FGF12: variants seen among roughly 807,000 people sequenced by gnomAD.
FGF12 encodes fibroblast growth factor 12.
Under a neutral mutation model 23.6 loss-of-function variants are expected in FGF12, and 14 were observed. That is an observed-to-expected ratio of 0.59 (90% CI 0.39 to 0.93). The LOEUF (loss-of-function observed/expected upper bound fraction) is 0.93. Among genes scored for constraint, FGF12 ranks in the 40% least tolerant of loss-of-function variants. FGF12 has a pLI of 0.00. For missense variants in FGF12, 175 were observed against 217.8 expected (o/e 0.80, Z 1.24); for synonymous variants, 62 against 77.3 (o/e 0.80, Z 1.04).
rs1719643657 is a variant in FGF12 at position 192,378,093 on chromosome 3, T to TCTTTCTTTCTTTCTTTCTTTCTTTC, written c.14-17556_14-17555insGAAAGAAAGAAAGAAAGAAAGAAAG. Among the ~76,000 whole-genome samples, 4 of 122,156 alleles carry TCTTTCTTTCTTTCTTTCTTTCTTTC rather than the reference T, an allele frequency of 3.3e-5. 1 individual carries two copies. Among genetic ancestry groups the TCTTTCTTTCTTTCTTTCTTTCTTTC allele is most frequent in the Non-Finnish European group, 6.7e-5 (4 of 60,106 alleles). 80.1% of individuals were successfully genotyped at this position (122,156 alleles called of 152,430 possible). On this transcript the variant is annotated intron_variant, in intron 2 of 5. Transcript: ENST00000445105. ...TTCTTTCTTTCTTTCTTTCTTTCTT[T>TCTTTCTTTCTTTCTTTCTTTCTTTC]CTTCTTTCTTTCCTTCTTTCTCTCT...
intron 2 of FGF12, among the ~76,000 whole-genome samples, chr3:192,503,574 GGT>G (rs754025177): frequency 1.2e-4 from 5 of 40,914 alleles, no homozygotes; most frequent in African/African-American, 1.8e-4. Context: ...TTTTTGTTTT[GGT>G]TTTTTTTTTT....
intron 2 of FGF12, among the ~76,000 whole-genome samples, chr3:192,657,364 T>C (rs1054439857): frequency 1.3e-5 from 2 of 151,906 alleles, no homozygotes; most frequent in African/African-American, 4.8e-5. Flanking sequence ...ATCATTTTTC[T>C]TTGTCTGCCT....
chr3:192,575,783 C>T (rs1712852497), intron 2 of FGF12, among the ~76,000 whole-genome samples: 2 of 147,954 alleles, frequency 1.4e-5, no homozygotes, highest in Admixed American at 1.3e-4. Context: ...AACTTTTCAC[C>T]CCAACAAATA....
At chr3:192,656,318 CACAG>C (rs111449853) in intron 2 of FGF12, among the ~76,000 whole-genome samples, 1,710 of 76,956 alleles carry the variant, frequency 0.022, 15 homozygotes, top group Non-Finnish European at 0.036. Context: ...CACACACACA[CACAG>C]AGAGAGAATT....
At chr3:192,158,338 CTTTCTTTCTT>C (rs1553844050) in intron 5 of FGF12, among the ~76,000 whole-genome samples, 1 of 69,094 alleles carries the variant, frequency 1.4e-5, no homozygotes, top group Non-Finnish European at 3.3e-5. Flanking sequence ...CTTTCTCTTT[CTTTCTTTCTT>C]TCTTTCTTTC....
At chr3:192,563,096 G>T (rs752833797) in intron 2 of FGF12, among the ~76,000 whole-genome samples, 4 of 152,178 alleles carry the variant, frequency 2.6e-5, no homozygotes, top group Non-Finnish European at 4.4e-5. Flanking sequence ...CATGAAAGAA[G>T]ATTAGACTTT....
At chr3:192,407,262 C>A (rs186649546) in intron 2 of FGF12, among the ~76,000 whole-genome samples, 1 of 152,222 alleles carries the variant, frequency 6.6e-6, no homozygotes, top group Non-Finnish European at 1.5e-5. Context: ...TTTCTTTACA[C>A]TCCTTGAGGC....
intron 2 of FGF12, among the ~76,000 whole-genome samples, chr3:192,416,508 AAATG>A (rs1721356749): frequency 6.6e-6 from 1 of 152,128 alleles, no homozygotes; most frequent in Non-Finnish European, 1.5e-5. Context: ...GTGAATGAAT[AAATG>A]AATGAACAGA....
In FGF12 at chr3:192,336,956, T is replaced by A. The variant is rs539000871; in HGVS notation, c.125-1492A>T. The stretch of plus-strand genomic sequence containing the variant: ...TTGCCTCTTTGAATCCATTTCCACA[T>A]TTTTTACGAAAACTGAGACTAGATA... On this transcript the variant is annotated intron_variant, in intron 3 of 5. Coordinates refer to ENST00000445105, the MANE Select transcript of FGF12 (RefSeq NM_004113.6). The surrounding 1 kb of genome is among the most constrained non-coding windows in gnomAD (Gnocchi z 4.3). Among the ~76,000 whole-genome samples the A allele has an allele frequency of 2.0e-3, 301 of 152,280 alleles. 1 individual carries two copies. The highest frequency in any genetic ancestry group is 7.0e-3 in the African/African-American group (290 of 41,556).
At chr3:192,256,022 C>T (rs1196086642) in intron 4 of FGF12, among the ~76,000 whole-genome samples, 2 of 152,034 alleles carry the variant, frequency 1.3e-5, no homozygotes, top group East Asian at 3.9e-4. Context: ...TATGGTTTAA[C>T]TTGTTATGCT....
intron 4 of FGF12, among the ~76,000 whole-genome samples, chr3:192,177,978 G>A (rs905167508): frequency 8.5e-5 from 13 of 152,070 alleles, no homozygotes; most frequent in Non-Finnish European, 1.6e-4. Flanking sequence ...TACCATGATT[G>A]CTATATTCTC....
At chr3:192,371,576 G>A (rs1420899332) in intron 2 of FGF12, among the ~76,000 whole-genome samples, 1 of 152,228 alleles carries the variant, frequency 6.6e-6, no homozygotes, top group Non-Finnish European at 1.5e-5. Flanking sequence ...CAGAATTAAT[G>A]TAGATAGGAA....
In FGF12 at chr3:192,424,488, C is replaced by G. The variant is rs372037703; in HGVS notation, c.14-63950G>C. Among the ~76,000 whole-genome samples the G allele has an allele frequency of 4.6e-5, 7 of 152,230 alleles. No individual in the cohort carries two copies. The East Asian group carries it at 9.7e-4, about 21-fold the overall frequency. On this transcript the variant is annotated intron_variant, in intron 2 of 5. Coordinates refer to ENST00000445105, the MANE Select transcript of FGF12 (RefSeq NM_004113.6). ...CCTTTAATATATGTGTTAGATGTTG[C>G]AGCATCTGATAGTCACATAACTAAT...
At chr3:192,294,651 C>G (rs552459364) in intron 4 of FGF12, among the ~76,000 whole-genome samples, 1 of 152,274 alleles carries the variant, frequency 6.6e-6, no homozygotes, top group East Asian at 1.9e-4. Flanking sequence ...CACAATTTGT[C>G]TTTTTAATGT....
intron 2 of FGF12, among the ~76,000 whole-genome samples, chr3:192,455,919 C>T (rs1029364422): frequency 6.6e-6 from 1 of 152,134 alleles, no homozygotes. Context: ...ATACTTCACA[C>T]AGTTCATGGG....
intron 2 of FGF12, among the ~76,000 whole-genome samples, chr3:192,451,437 G>C (rs753774173): frequency 5.3e-5 from 8 of 152,134 alleles, no homozygotes; most frequent in Non-Finnish European, 1.0e-4. Flanking sequence ...GGCTTGCTAT[G>C]GCCAAACCAT....
intron 2 of FGF12, among the ~76,000 whole-genome samples, chr3:192,422,729 A>G (rs954677233): frequency 6.6e-6 from 1 of 152,206 alleles, no homozygotes; most frequent in South Asian, 2.1e-4. Context: ...AAAAAAAAGT[A>G]ACTTGGCTAA....
At chr3:192,539,234 C>T (rs1464217488) in intron 2 of FGF12, among the ~76,000 whole-genome samples, 1 of 152,290 alleles carries the variant, frequency 6.6e-6, no homozygotes, top group East Asian at 1.9e-4. Flanking sequence ...AGAAACAATG[C>T]TCTCCATTTT....
intron 2 of FGF12, among the ~76,000 whole-genome samples, chr3:192,521,814 C>T (rs1010038005): frequency 4.6e-5 from 7 of 152,086 alleles, no homozygotes; most frequent in Non-Finnish European, 1.0e-4. Flanking sequence ...TATTTTCCCC[C>T]CAAGAGACTA....
Sources: allele counts gnomAD v4.1 joint callset (sites outside exome capture counted in the v4.1 genomes callset), GRCh38; gene constraint gnomAD v4.1.1; non-coding constraint Gnocchi (gnomAD v3.1); transcripts MANE v1.5; gene names NCBI Gene and HGNC (gene_info 2026-07-23, HGNC 2026-07-21).